Variants in TRPM4 observed in about 807,000 individuals in gnomAD.
TRPM4 encodes transient receptor potential cation channel subfamily M member 4, also known as calcium-activated non-selective cation channel 1.
A neutral mutation model predicts 135.6 loss-of-function variants in TRPM4; 124 were observed. The ratio of observed to expected loss-of-function variants is 0.91; its 90% CI spans 0.79 to 1.06. The LOEUF (loss-of-function observed/expected upper bound fraction) is 1.06, where lower values mean the gene tolerates loss of function less well. Among genes scored for constraint, TRPM4 ranks in the 50% least tolerant of loss-of-function variants. The probability of loss-of-function intolerance (pLI) is 0.00; values close to 1 mark genes in which losing one functional copy is unlikely to be tolerated. For synonymous variants in TRPM4, 745 were observed against 705.6 expected, an observed-to-expected ratio of 1.06 and a Z score of -0.88; for missense variants, 1,658 against 1,671.4, an observed-to-expected ratio of 0.99 and a Z score of 0.14.
At chr19:49,160,382 C>T (rs955015786) in intron 2 of TRPM4, among the ~76,000 whole-genome samples, 2 of 150,726 alleles carry the variant, frequency 1.3e-5, no homozygotes, top group African/African-American at 4.9e-5. Flanking sequence ...CCCAGCTACT[C>T]AGGAGGCAGG....
intron 1 of TRPM4, 24 bp from the exon 2 acceptor site, chr19:49,158,168 C>T: frequency 6.2e-7 from 1 of 1,611,228 alleles, no homozygotes; most frequent in African/African-American, 1.3e-5. Flanking sequence ...CCACTTCCAC[C>T]CCTACATTTG....
chr19:49,193,908 GTCATCCTCCTTCTCCTCCTCCTCT>G lies in TRPM4; in HGVS notation c.2211-2521_2211-2498del, dbSNP rs1336198444. On this transcript the variant is annotated intron_variant, in intron 16 of 24. Coordinates refer to ENST00000252826, the MANE Select transcript of TRPM4 (RefSeq NM_017636.4). The stretch of plus-strand genomic sequence containing the variant: ...TGTCATCCTCCTTCTCCTCCTCCTC[GTCATCCTCCTTCTCCTCCTCCTCT>G]TCATCCTCCTCCTCCTTCTCCTCCT... Among the ~76,000 whole-genome samples the G allele has an allele frequency of 1.8e-3, 239 of 131,916 alleles. 1 individual carries two copies. The highest frequency in any genetic ancestry group is 6.4e-3 in the African/African-American group (222 of 34,632). 86.5% of individuals were successfully genotyped at this position (131,916 alleles called of 152,430 possible). A position where few individuals can be genotyped will look rare whatever the true frequency, so the allele number is the denominator to read the frequency against.
intron 17 of TRPM4, 43 bp from the exon 18 acceptor site, chr19:49,200,257 G>A: frequency 6.2e-7 from 1 of 1,614,072 alleles, no homozygotes. Context: ...TTTCCTTGGC[G>A]TCTTGTGACA....
At chr19:49,201,860 A>G in intron 19 of TRPM4, 104 bp from the exon 20 acceptor site, 1 of 611,444 alleles carries the variant, frequency 1.6e-6, no homozygotes, top group East Asian at 3.6e-5. Context: ...TCAGCCTCCC[A>G]AAAGTGCTGG....
intron 1 of TRPM4, 78 bp from the exon 2 acceptor site, chr19:49,158,114 G>C: frequency 6.9e-7 from 1 of 1,443,114 alleles, no homozygotes; most frequent in Non-Finnish European, 9.8e-7. Context: ...GCACGGGGTG[G>C]GTGGCTCTGT....
At chr19:49,173,876 C>T (rs1181107189) in intron 9 of TRPM4, among the ~76,000 whole-genome samples, 6 of 151,896 alleles carry the variant, frequency 4.0e-5, no homozygotes, top group Admixed American at 1.3e-4. Context: ...TGCTCTGTTG[C>T]CCATGCTGGT....
chr19:49,187,898 C>G (rs774948097), intron 12 of TRPM4, among the ~76,000 whole-genome samples: 3 of 152,030 alleles, frequency 2.0e-5, no homozygotes, highest in Non-Finnish European at 2.9e-5. Context: ...GATGGCAGAA[C>G]TGGTTGAGCC....
At chr19:49,173,822 A>G (rs1967566908) in intron 9 of TRPM4, among the ~76,000 whole-genome samples, 1 of 151,990 alleles carries the variant, frequency 6.6e-6, no homozygotes, top group Non-Finnish European at 1.5e-5. Context: ...TACACCTGGT[A>G]AATTAAACAA....
At position 49,210,139 on chromosome 19, in the gene TRPM4, C is replaced by A; in HGVS notation, c.3132-70C>A. 1 of 1,445,120 alleles carries A rather than the reference C, an allele frequency of 6.9e-7. No homozygotes were observed. 89.5% of individuals were successfully genotyped at this position (1,445,120 alleles called of 1,614,324 possible). The stretch of plus-strand genomic sequence containing the variant: ...TATAGACTGAACAATTATTGCCTGG[C>A]ATCTAACCTTCGTCCTTGCCCCTGG... On this transcript the variant is annotated intron_variant, in intron 20 of 24. Transcript: ENST00000252826. This position sits in a 1 kb window ranked among gnomAD's most constrained non-coding sequence, Gnocchi z 4.1.
At chr19:49,182,456 CCAT>C (rs1968009654) in intron 10 of TRPM4, 119 bp from the exon 11 acceptor site, 45 of 274,064 alleles carry the variant, frequency 1.6e-4, no homozygotes, top group Non-Finnish European at 2.5e-4. Context: ...ATCCACCCAT[CCAT>C]CCATCCATCC....
At position 49,166,073 on chromosome 19, in the gene TRPM4, C is replaced by A; in HGVS notation, c.125C>A (p.Thr42Asn). 1 of 1,600,910 alleles carries A rather than the reference C, an allele frequency of 6.2e-7. No homozygotes were observed. The highest frequency in any genetic ancestry group is 1.3e-5 in the African/African-American group (1 of 74,920). ...GTLCQCGRPR[T>N]AHPAVAMEDA... ...TTGTGCCAGTGTGGGCGCCCCCGGA[C>A]CGCCCACCCCGCAGTGGCCATGGAG... The change falls in exon 3 of 25, where the codon ACC (threonine) becomes AAC (asparagine). Residue 42 changes from threonine to asparagine, a missense_variant. Coordinates refer to ENST00000252826, the MANE Select transcript of TRPM4 (RefSeq NM_017636.4).
At chr19:49,165,799 C>T (rs773938082) in intron 2 of TRPM4, among the ~76,000 whole-genome samples, 5 of 152,182 alleles carry the variant, frequency 3.3e-5, no homozygotes, top group Admixed American at 6.5e-5. Flanking sequence ...CAGTGACCTG[C>T]TTCTTCCTGC....
chr19:49,189,012 CGCTCTGGGGGGATG>C lies in TRPM4; in HGVS notation c.1941_1954del (p.Leu648HisfsTer10). On this transcript the variant is annotated frameshift_variant, in exon 14 of 25. Coordinates refer to ENST00000252826, the MANE Select transcript of TRPM4 (RefSeq NM_017636.4). LOFTEE classifies it high-confidence loss of function. The stretch of plus-strand genomic sequence containing the variant: ...GCCCGCCTCCTCCTCCGTCGCTGCC[CGCTCTGGGGGGATG>C]CCACTTGCCTCCAGCTGGCCATGCA... 6.2e-7 allele frequency: 1 copy of C among 1,614,194 alleles called. No homozygotes were observed. The highest frequency in any genetic ancestry group is 8.5e-7 in the Non-Finnish European group (1 of 1,180,040).
chr19:49,208,918 C>G (rs2145992384), intron 20 of TRPM4, among the ~76,000 whole-genome samples: 1 of 148,864 alleles, frequency 6.7e-6, no homozygotes, highest in East Asian at 2.0e-4. Flanking sequence ...GAGATTGTGC[C>G]ACTGCACTCC....
rs760696501 is a variant in TRPM4, at chr19:49,167,905, A to G, written c.268-12A>G. ...CCCCCTCCCTGTGTGCCCCGCTCCC[A>G]TGTGTCCACAGTTCCTCCGGCTCTC... On this transcript the variant is annotated splice_polypyrimidine_tract_variant and intron_variant, in intron 3 of 24. Coordinates refer to ENST00000252826, the MANE Select transcript of TRPM4 (RefSeq NM_017636.4). The G allele has an allele frequency of 6.2e-7, 1 of 1,612,490 alleles. No individual in the cohort carries two copies. The highest frequency in any genetic ancestry group is 8.5e-7 in the Non-Finnish European group (1 of 1,179,538).
Position 49,171,158 on chromosome 19 carries a change from C to A in TRPM4, c.797-199C>A, listed in dbSNP as rs1568461639. Among the ~76,000 whole-genome samples, 1 of 152,084 alleles carries A rather than the reference C, an allele frequency of 6.6e-6. No individual in the cohort carries two copies. Among genetic ancestry groups the A allele is most frequent in the Admixed American group, 6.6e-5 (1 of 15,260 alleles). On this transcript the variant is annotated intron_variant, in intron 6 of 24. Transcript: ENST00000252826. This position sits in a 1 kb window ranked among gnomAD's most constrained non-coding sequence, Gnocchi z 4.7. ...GCTTGAGGCCAGGAGTTCGAGACCA[C>A]CCTGGCCAACATAGCAAGACCCCCA...
Position 49,166,024 on chromosome 19 carries a change from C to A in TRPM4, c.93-17C>A. 1 of 1,576,828 alleles carries A rather than the reference C, an allele frequency of 6.3e-7. No homozygotes were observed. On this transcript the variant is annotated splice_polypyrimidine_tract_variant and intron_variant, in intron 2 of 24. Coordinates refer to ENST00000252826, the MANE Select transcript of TRPM4 (RefSeq NM_017636.4). ...GGGGGGCAGCCCTGGGTTCACGCTC[C>A]GCCCTCGCACCCCCAGAGGGACCTT...
At position 49,196,884 on chromosome 19, in the gene TRPM4, C is replaced by T. The variant is rs767505738; in HGVS notation, c.2645+10C>T. On this transcript the variant is annotated intron_variant, in intron 17 of 24. Transcript: ENST00000252826. ...TGGGCGTGGGCTGCCGGTGAGTGCC[C>T]CGGGGCCTTGGAACCCTGGCCCCTG... 8 of 1,569,400 alleles carry T rather than the reference C, an allele frequency of 5.1e-6. No individual in the cohort carries two copies. The highest frequency in any genetic ancestry group is 1.2e-5 in the South Asian group (1 of 86,364).
intron 12 of TRPM4, among the ~76,000 whole-genome samples, chr19:49,184,347 CT>C (rs1383913399): frequency 6.7e-6 from 1 of 149,838 alleles, no homozygotes; most frequent in Non-Finnish European, 1.5e-5. Context: ...TTTATTTTGC[CT>C]TTTTTATGAA....
Sources: allele counts gnomAD v4.1 joint callset (sites outside exome capture counted in the v4.1 genomes callset), GRCh38; gene constraint gnomAD v4.1.1; non-coding constraint Gnocchi (gnomAD v3.1); transcripts MANE v1.5; gene names NCBI Gene and HGNC (gene_info 2026-07-23, HGNC 2026-07-21).